The following SPATA6 variants were observed in gnomAD, a reference collection of about 807,000 sequenced individuals.
SPATA6 encodes the protein spermatogenesis associated 6, also known as spermatogenesis-associated protein 6.
Under a neutral mutation model 65.3 loss-of-function variants are expected in SPATA6, and 56 were observed. The ratio of observed to expected loss-of-function variants is 0.86; its 90% CI spans 0.69 to 1.07. The LOEUF (loss-of-function observed/expected upper bound fraction) is 1.07. SPATA6 is among the 50% of genes least tolerant of loss of function. The probability of loss-of-function intolerance (pLI) is 0.00; values close to 1 mark genes in which losing one functional copy is unlikely to be tolerated. For synonymous variants in SPATA6, 199 were observed against 213.2 expected (o/e 0.93, Z 0.58); for missense variants, 590 against 594.8 (o/e 0.99, Z 0.08).
chr1:48,314,405 C>A (rs1461363757), intron 11 of SPATA6, among the ~76,000 whole-genome samples: 1 of 152,058 alleles, frequency 6.6e-6, no homozygotes, highest in East Asian at 1.9e-4. Context: ...AACCGCTCAA[C>A]TACATGGAAA....
chr1:48,285,758 C>G, the SPATA6 span, among the ~76,000 whole-genome samples: 1 of 152,176 alleles, frequency 6.6e-6, no homozygotes, highest in African/African-American at 2.4e-5. Context: ...TTTCCCTCTG[C>G]AGGCTGCACC....
intron 11 of SPATA6, chr1:48,325,335 T>C (rs57640838): frequency 3.8e-6 from 5 of 1,305,380 alleles, no homozygotes; most frequent in African/African-American, 1.5e-5. Context: ...CAGGCCCCCG[T>C]AGAGTCCTCC....
intron 4 of SPATA6, among the ~76,000 whole-genome samples, chr1:48,412,626 ATTTT>A (rs564246675): frequency 1.3e-5 from 2 of 150,522 alleles, no homozygotes; most frequent in African/African-American, 2.4e-5. Flanking sequence ...GATAGATGAG[ATTTT>A]TTTTTTGAGA....
At chr1:48,318,068 A>G (rs1410992222) in intron 11 of SPATA6, among the ~76,000 whole-genome samples, 1 of 152,228 alleles carries the variant, frequency 6.6e-6, no homozygotes, top group East Asian at 1.9e-4. Context: ...TCATCTCAAT[A>G]GATGCAGGGA....
At chr1:48,328,465 C>A (rs1570144550) in intron 11 of SPATA6, among the ~76,000 whole-genome samples, 1 of 152,056 alleles carries the variant, frequency 6.6e-6, no homozygotes, top group Admixed American at 6.5e-5. Flanking sequence ...ACAACCTGGG[C>A]AAGCCTTTAA....
At chr1:48,279,799 C>T in the SPATA6 span, among the ~76,000 whole-genome samples, 10 of 152,154 alleles carry the variant, frequency 6.6e-5, no homozygotes, top group African/African-American at 2.4e-4. Context: ...CAAGGATACC[C>T]AGGAATTGAA....
At chr1:48,331,788 G>A (rs2148731697) in intron 11 of SPATA6, among the ~76,000 whole-genome samples, 1 of 152,244 alleles carries the variant, frequency 6.6e-6, no homozygotes, top group African/African-American at 2.4e-5. Context: ...CTCCAAGGTT[G>A]AAATGAAAGA....
intron 11 of SPATA6, chr1:48,325,147 T>A: frequency 1.8e-6 from 1 of 563,834 alleles, no homozygotes. Flanking sequence ...TCTTCTTGGG[T>A]TCATTTACAG....
intron 11 of SPATA6, among the ~76,000 whole-genome samples, chr1:48,322,810 T>A (rs1300988385): frequency 6.6e-6 from 1 of 152,154 alleles, no homozygotes; most frequent in Non-Finnish European, 1.5e-5. Context: ...GCCAACAAAC[T>A]TATGAAAAAA....
chr1:48,329,922 C>G (rs578058644), intron 11 of SPATA6, among the ~76,000 whole-genome samples: 1 of 152,218 alleles, frequency 6.6e-6, no homozygotes, highest in Non-Finnish European at 1.5e-5. Context: ...TACTTCTAGA[C>G]TGAGGCAGAG....
intron 12 of SPATA6, among the ~76,000 whole-genome samples, chr1:48,302,589 G>C (rs1022760752): frequency 2.0e-5 from 3 of 152,168 alleles, no homozygotes; most frequent in Non-Finnish European, 4.4e-5. Flanking sequence ...CAATGGATCT[G>C]TATGTGGCTT....
intron 3 of SPATA6, among the ~76,000 whole-genome samples, chr1:48,413,783 A>G (rs1229144372): frequency 6.6e-6 from 1 of 152,142 alleles, no homozygotes; most frequent in Non-Finnish European, 1.5e-5. Flanking sequence ...GTTGACCAGA[A>G]GCATTACTAG....
chr1:48,305,084 A>G (rs1008580904), intron 12 of SPATA6, among the ~76,000 whole-genome samples: 1 of 152,186 alleles, frequency 6.6e-6, no homozygotes, highest in Non-Finnish European at 1.5e-5. Context: ...GGGCATAAGG[A>G]AAAGTCCTCA....
downstream of SPATA6, among the ~76,000 whole-genome samples, chr1:48,293,301 G>T (rs1371215924): frequency 6.6e-6 from 1 of 152,194 alleles, no homozygotes; most frequent in Non-Finnish European, 1.5e-5. Flanking sequence ...CAGCCTGACG[G>T]ATGGCATAAA....
chr1:48,317,290 A>G (rs974784213), intron 11 of SPATA6, among the ~76,000 whole-genome samples: 34 of 152,236 alleles, frequency 2.2e-4, no homozygotes, highest in Non-Finnish European at 4.3e-4. Flanking sequence ...ATGTCCAACA[A>G]TGATAGACTG....
chr1:48,468,071 T>A (rs908409134), intron 1 of SPATA6, among the ~76,000 whole-genome samples: 3 of 152,164 alleles, frequency 2.0e-5, no homozygotes, highest in Admixed American at 1.3e-4. Flanking sequence ...TGGGTATGTA[T>A]CCAAAGGAAA....
intron 8 of SPATA6, 139 bp downstream of exon 8, chr1:48,395,128 A>C: frequency 4.1e-6 from 2 of 485,042 alleles, no homozygotes; most frequent in Non-Finnish European, 6.7e-6. Context: ...TTTACAACAT[A>C]CAAGTTGTAA....
the SPATA6 span, among the ~76,000 whole-genome samples, chr1:48,268,314 G>A: frequency 7.9e-5 from 12 of 151,404 alleles, no homozygotes; most frequent in Admixed American, 5.9e-4. Context: ...ATGTGTGTGT[G>A]TGTGTGTGTG....
rs575260889 is a variant in SPATA6 at position 48,377,761 on chromosome 1, G to A, written c.909+7548C>T. ...AAAGAGATAAAGAGATATTAGCAGG[G>A]GAACGGAACAGAGTATTATAGGTGT... On this transcript the variant is annotated intron_variant, in intron 9 of 12. Coordinates refer to ENST00000371847, the MANE Select transcript of SPATA6 (RefSeq NM_019073.4). Among the ~76,000 whole-genome samples the A allele has an allele frequency of 5.9e-5, 9 of 152,266 alleles. No homozygotes were observed. The East Asian group carries it at 1.5e-3, about 26-fold the overall frequency.
Sources: gnomAD v4.1 joint callset for allele counts (sites outside exome capture counted in the v4.1 genomes callset) on GRCh38, gnomAD v4.1.1 for gene constraint, MANE v1.5 for transcripts, NCBI Gene and HGNC (gene_info 2026-07-23, HGNC 2026-07-21) for gene names.